The following RCSD1 variants were observed in gnomAD, a reference collection of about 807,000 sequenced individuals.
RCSD1 encodes capZ-interacting protein.
A neutral mutation model predicts 42.5 loss-of-function variants in RCSD1; 26 were observed. The observed-to-expected ratio is 0.61, with a 90% CI of 0.45 to 0.85. The LOEUF (loss-of-function observed/expected upper bound fraction) is 0.85, where lower values mean the gene tolerates loss of function less well. RCSD1 is among the 40% of genes least tolerant of loss of function. RCSD1 has a pLI of 0.00. For missense variants in RCSD1, 571 were observed against 528.3 expected, an observed-to-expected ratio of 1.08 and a Z score of -0.79; for synonymous variants, 220 against 212.2, an observed-to-expected ratio of 1.04 and a Z score of -0.32.
chr1:167,668,187 C>G (rs191753900), intron 1 of RCSD1, among the ~76,000 whole-genome samples: 2 of 151,612 alleles, frequency 1.3e-5, no homozygotes, highest in Non-Finnish European at 2.9e-5. Context: ...CGGGAGGCTG[C>G]GGCAGGAGAA....
chr1:167,702,134 A>G (rs1326066895), intron 6 of RCSD1, among the ~76,000 whole-genome samples: 1 of 152,260 alleles, frequency 6.6e-6, no homozygotes, highest in Non-Finnish European at 1.5e-5. Flanking sequence ...AGACAGAGGC[A>G]TAAACAAATA....
intron 1 of RCSD1, among the ~76,000 whole-genome samples, chr1:167,646,702 A>G (rs894205922): frequency 6.6e-6 from 1 of 152,176 alleles, no homozygotes; most frequent in African/African-American, 2.4e-5. Context: ...CGTCATCCCC[A>G]GGACTCTCCT....
intron 1 of RCSD1, among the ~76,000 whole-genome samples, chr1:167,648,884 G>A (rs547697010): frequency 1.3e-5 from 2 of 152,284 alleles, no homozygotes; most frequent in African/African-American, 2.4e-5. Context: ...TCAGTCACTC[G>A]CTTGCTTAAT....
intron 1 of RCSD1, among the ~76,000 whole-genome samples, chr1:167,660,832 A>G (rs367973996): frequency 1.3e-5 from 2 of 152,180 alleles, no homozygotes; most frequent in Admixed American, 1.3e-4. Flanking sequence ...TGGTCTGTCA[A>G]CTTCAATACA....
At chr1:167,657,499 T>C (rs1431445996) in intron 1 of RCSD1, among the ~76,000 whole-genome samples, 1 of 152,192 alleles carries the variant, frequency 6.6e-6, no homozygotes, top group Non-Finnish European at 1.5e-5. Context: ...TGGGGCAAAT[T>C]GACCTAAATT....
intron 2 of RCSD1, among the ~76,000 whole-genome samples, chr1:167,684,327 G>A (rs1046144260): frequency 3.7e-4 from 57 of 152,216 alleles, no homozygotes; most frequent in African/African-American, 1.2e-3. Flanking sequence ...CCTGGACTGT[G>A]TCAGAATAAA....
At chr1:167,644,208 G>C (rs1350910734) in intron 1 of RCSD1, among the ~76,000 whole-genome samples, 1 of 152,142 alleles carries the variant, frequency 6.6e-6, no homozygotes, top group Admixed American at 6.5e-5. Context: ...GGCTGGGCAC[G>C]GTGGCTCACG....
In RCSD1 at chr1:167,674,249, C is replaced by G. The variant is rs149294026; in HGVS notation, c.7-9651C>G. On this transcript the variant is annotated intron_variant, in intron 1 of 6. Transcript: ENST00000367854. ...CCTGTCTTCCTCACAGACCTATAAGCCCTCCCAGTGGTGGGTTGGAAGAGA... is the reference window on the plus strand; with the variant it reads ...CCTGTCTTCCTCACAGACCTATAAGGCCTCCCAGTGGTGGGTTGGAAGAGA... 6.7e-3 allele frequency among the ~76,000 whole-genome samples: 1,021 copies of G among 152,324 alleles called. 13 individuals are homozygous for G. The highest frequency in any genetic ancestry group is 0.024 in the African/African-American group (989 of 41,562).
At chr1:167,693,531 G>A (rs908137988) in intron 4 of RCSD1, among the ~76,000 whole-genome samples, 3 of 152,180 alleles carry the variant, frequency 2.0e-5, no homozygotes, top group Non-Finnish European at 4.4e-5. Flanking sequence ...CCACTCTGCC[G>A]TCTATTAAGA....
intron 1 of RCSD1, among the ~76,000 whole-genome samples, chr1:167,658,144 G>A (rs1017007371): frequency 1.3e-5 from 2 of 152,122 alleles, no homozygotes; most frequent in Non-Finnish European, 2.9e-5. Flanking sequence ...GGTTTATGCA[G>A]CAGTGCTTTT....
chr1:167,697,765 T>A lies in RCSD1; in HGVS notation c.1141T>A (p.Cys381Ser). 2 of 1,522,204 alleles carry A rather than the reference T, an allele frequency of 1.3e-6. No individual in the cohort carries two copies. The highest frequency in any genetic ancestry group is 1.3e-5 in the South Asian group (1 of 75,422). 94.3% of individuals were successfully genotyped at this position (1,522,204 alleles called of 1,614,324 possible). ...GGAGGGGGCAGTGCTCGAGCCAGGC[T>A]GCAGCCCCCAGACCGGCCCTGCCCA... ...QQEGAVLEPG[C>S]SPQTGPAQLE... The change falls in exon 6 of 7, where the codon TGC (cysteine) becomes AGC (serine). Residue 381 changes from cysteine (C) to serine (S), a missense_variant. Cys to Ser is a moderately radical substitution (Grantham distance 112, BLOSUM62 -1). Transcript: ENST00000367854.
At chr1:167,662,092 T>C (rs1169784033) in intron 1 of RCSD1, among the ~76,000 whole-genome samples, 1 of 152,314 alleles carries the variant, frequency 6.6e-6, no homozygotes, top group East Asian at 1.9e-4. Flanking sequence ...AAAGCTTCCC[T>C]AGATGACCCA....
intron 1 of RCSD1, among the ~76,000 whole-genome samples, chr1:167,642,877 A>G (rs1488541594): frequency 4.6e-5 from 7 of 152,216 alleles, no homozygotes; most frequent in African/African-American, 1.7e-4. Context: ...TGTGAGTAAC[A>G]TTGGAATTAG....
At chr1:167,681,502 C>G (rs1002341723) in intron 1 of RCSD1, among the ~76,000 whole-genome samples, 1 of 152,206 alleles carries the variant, frequency 6.6e-6, no homozygotes. Flanking sequence ...TTTCCTTCAA[C>G]CCAGCTTTTA....
chr1:167,699,828 A>G (rs1659596116), intron 6 of RCSD1, among the ~76,000 whole-genome samples: 1 of 152,114 alleles, frequency 6.6e-6, no homozygotes, highest in African/African-American at 2.4e-5. Context: ...TGTGTGGGAC[A>G]TTCCTTCTGA....
chr1:167,637,803 G>A (rs1332587442), intron 1 of RCSD1, among the ~76,000 whole-genome samples: 4 of 151,080 alleles, frequency 2.6e-5, no homozygotes, highest in East Asian at 3.9e-4. Flanking sequence ...CTGCAGCCCC[G>A]CTCATTCCTT....
intron 1 of RCSD1, among the ~76,000 whole-genome samples, chr1:167,653,184 T>C (rs1403848117): frequency 6.6e-6 from 1 of 152,234 alleles, no homozygotes; most frequent in Non-Finnish European, 1.5e-5. Flanking sequence ...TGACTGTCAA[T>C]GTCATGTGTC....
intron 1 of RCSD1, among the ~76,000 whole-genome samples, chr1:167,679,603 C>G (rs994221523): frequency 1.3e-5 from 2 of 152,338 alleles, no homozygotes; most frequent in South Asian, 2.1e-4. Context: ...ACCTTTGAGG[C>G]TCTGGGCTCT....
intron 1 of RCSD1, among the ~76,000 whole-genome samples, chr1:167,683,498 T>C (rs764990070): frequency 1.3e-5 from 2 of 152,180 alleles, no homozygotes; most frequent in Non-Finnish European, 2.9e-5. Flanking sequence ...GACACATATA[T>C]ATGTGTTTCA....
Sources: allele counts gnomAD v4.1 joint callset (sites outside exome capture counted in the v4.1 genomes callset), GRCh38; gene constraint gnomAD v4.1.1; transcripts MANE v1.5; gene names NCBI Gene and HGNC (gene_info 2026-07-23, HGNC 2026-07-21).